KIF1A: variants seen among roughly 807,000 people sequenced by gnomAD.
The protein encoded by KIF1A is kinesin family member 1A.
KIF1A carries 46 observed loss-of-function variants against 227.3 expected under a neutral mutation model. The ratio of observed to expected loss-of-function variants is 0.20; its 90% CI spans 0.16 to 0.26. The LOEUF (loss-of-function observed/expected upper bound fraction) is 0.26. KIF1A is among the 10% of genes least tolerant of loss of function. KIF1A has a pLI of 1.00. For synonymous variants in KIF1A, 1,022 were observed against 1,012.8 expected, an observed-to-expected ratio of 1.01 and a Z score of -0.17; for missense variants, 1,683 against 2,485.9, an observed-to-expected ratio of 0.68 and a Z score of 6.87.
rs1222891594 is a variant in KIF1A at position 240,757,296 on chromosome 2, A to T, written c.2858+23T>A. 3 of 1,547,436 alleles carry T rather than the reference A, an allele frequency of 1.9e-6. No individual in the cohort carries two copies. Among genetic ancestry groups the T allele is most frequent in the Admixed American group, 3.9e-5 (2 of 50,916 alleles). Reference sequence around the variant, plus strand: ...GCAAAAGAGCTGGGTCCTCCCCAGCATGCTCTCCTCGACCTCACCAACCTT... The same window carrying T: ...GCAAAAGAGCTGGGTCCTCCCCAGCTTGCTCTCCTCGACCTCACCAACCTT... On this transcript the variant is annotated intron_variant, in intron 27 of 48. Coordinates refer to ENST00000498729, the MANE Select transcript of KIF1A (RefSeq NM_001244008.2). The surrounding 1 kb of genome is among the most constrained non-coding windows in gnomAD (Gnocchi z 6.2).
Position 240,725,166 on chromosome 2 carries a change from G to T in KIF1A, c.4256+105C>A. The stretch of plus-strand genomic sequence containing the variant: ...AGGAGTGTGGCTGGGCCTCGCACAG[G>T]GTGAGCTGCCGGGTGGCCCAAGGAC... On this transcript the variant is annotated intron_variant, in intron 40 of 48. Coordinates refer to ENST00000498729, the MANE Select transcript of KIF1A (RefSeq NM_001244008.2). This position sits in a 1 kb window ranked among gnomAD's most constrained non-coding sequence, Gnocchi z 5.8. 1 of 1,258,408 alleles carries T rather than the reference G, an allele frequency of 7.9e-7. No homozygotes were observed. Among genetic ancestry groups the T allele is most frequent in the Non-Finnish European group, 1.1e-6 (1 of 902,120 alleles). The allele number at this position is 1,258,408 out of a possible 1,614,324, so 78.0% of individuals were successfully genotyped here. A position where few individuals can be genotyped will look rare whatever the true frequency, so the allele number is the denominator to read the frequency against.
In KIF1A at chr2:240,763,070, C is replaced by G; in HGVS notation, c.1971G>C (p.Gln657His). The G allele has an allele frequency of 6.4e-7, 1 of 1,570,338 alleles. No homozygotes were observed. Among genetic ancestry groups the G allele is most frequent in the Non-Finnish European group, 8.6e-7 (1 of 1,160,040 alleles). ...TGGCCTCCTCCCGCTCGCGGCGGTA[C>G]TGGTCCTCCAGTTCCTGGAGCCTGC... is the stretch of plus-strand genomic sequence containing the variant. Reference protein sequence around the residue: ...MEQRLQELEDQYRREREEATY... With the variant: ...MEQRLQELEDHYRREREEATY... Residue 657 changes from glutamine (Q) to histidine (H), a missense_variant, in exon 22 of 49, where the codon CAG becomes CAC. Gln to His is a conservative substitution (Grantham distance 24, BLOSUM62 0). This residue lies in a region of KIF1A where 217 missense variants were observed against 427.0 expected (regional missense o/e 0.51). Coordinates refer to ENST00000498729, the MANE Select transcript of KIF1A (RefSeq NM_001244008.2).
intron 20 of KIF1A, among the ~76,000 whole-genome samples, chr2:240,764,823 A>G (rs2050954670): frequency 6.6e-6 from 1 of 152,106 alleles, no homozygotes; most frequent in African/African-American, 2.4e-5. Context: ...GTGAAGACCT[A>G]AGAGCAAACT....
rs997173478 is a variant in KIF1A at position 240,715,132 on chromosome 2, A to G, written c.*2232T>C. On this transcript the variant is annotated 3_prime_UTR_variant, in exon 49 of 49. Transcript: ENST00000498729. ...GTGGGGCTCCCCCTCATCTCAGACC[A>G]GCGTGTCCTGCCCTGCCTCTCCTTC... 2.0e-5 allele frequency: 3 copies of G among 152,378 alleles called. No individual in the cohort carries two copies. The highest frequency in any genetic ancestry group is 7.2e-5 in the African/African-American group (3 of 41,420). The allele number at this position is 152,378 out of a possible 1,614,324, so 9.4% of individuals were successfully genotyped here.
chr2:240,719,033 G>A lies in KIF1A; in HGVS notation c.5187C>T (p.Tyr1729=). ...TGAGCATAGCCTGCTGGTCCTCACTGTACTCCACCTGGGCAGTGGCCAGGT... is the reference window on the plus strand; with the variant it reads ...TGAGCATAGCCTGCTGGTCCTCACTATACTCCACCTGGGCAGTGGCCAGGT... ...VLNLATAQVE[Y]SEDQQAMLKT... The change falls in exon 47 of 49, where the codon TAC becomes TAT. Residue 1729 remains tyrosine (Y), a synonymous_variant. Coordinates refer to ENST00000498729, the MANE Select transcript of KIF1A (RefSeq NM_001244008.2). 6.2e-7 allele frequency: 1 copy of A among 1,611,700 alleles called. No individual in the cohort carries two copies. Among genetic ancestry groups the A allele is most frequent in the Non-Finnish European group, 8.5e-7 (1 of 1,179,034 alleles).
chr2:240,818,107 C>T (rs755931395), intron 1 of KIF1A, among the ~76,000 whole-genome samples: 1 of 152,190 alleles, frequency 6.6e-6, no homozygotes, highest in African/African-American at 2.4e-5. Context: ...ACACAGCAGA[C>T]ATCTTGCAGG....
In KIF1A at chr2:240,793,928, T is replaced by C. The variant is rs2056063314; in HGVS notation, c.106+3719A>G. On this transcript the variant is annotated intron_variant, in intron 2 of 48. Coordinates refer to ENST00000498729, the MANE Select transcript of KIF1A (RefSeq NM_001244008.2). This position sits in a 1 kb window ranked among gnomAD's most constrained non-coding sequence, Gnocchi z 4.8. ...GGGCCCCGCACAGTCCCCGCCATCTTCCGAGGGGCCTGGCACACCAGCCAG... is the reference window on the plus strand; with the variant it reads ...GGGCCCCGCACAGTCCCCGCCATCTCCCGAGGGGCCTGGCACACCAGCCAG... Among the ~76,000 whole-genome samples the C allele has an allele frequency of 1.3e-5, 2 of 152,110 alleles. No individual in the cohort carries two copies. Among genetic ancestry groups the C allele is most frequent in the Admixed American group, 1.3e-4 (2 of 15,274 alleles).
At position 240,763,054 on chromosome 2, in the gene KIF1A, C is replaced by G. The variant is rs1431592894; in HGVS notation, c.1987G>C (p.Glu663Gln). The stretch of plus-strand genomic sequence containing the variant: ...TGCTCCAGCAGGTAGGTGGCCTCCT[C>G]CCGCTCGCGGCGGTACTGGTCCTCC... ...ELEDQYRREREEATYLLEQQR... is the reference protein window; with the variant it reads ...ELEDQYRRERQEATYLLEQQR... The change falls in exon 22 of 49, where the codon GAG becomes CAG. Residue 663 changes from glutamate (E) to glutamine (Q), a missense_variant. Physicochemically the swap from Glu to Gln is conservative, Grantham distance 29 (BLOSUM62 2). Coordinates refer to ENST00000498729, the MANE Select transcript of KIF1A (RefSeq NM_001244008.2). The G allele has an allele frequency of 6.5e-7, 1 of 1,542,512 alleles. No individual in the cohort carries two copies. The highest frequency in any genetic ancestry group is 8.7e-7 in the Non-Finnish European group (1 of 1,146,274).
At chr2:240,753,634 G>A (rs1202528634) in intron 27 of KIF1A, among the ~76,000 whole-genome samples, 4 of 152,182 alleles carry the variant, frequency 2.6e-5, no homozygotes, top group Non-Finnish European at 5.9e-5. Context: ...CGAGCACACA[G>A]GGCCTTTTGC....
Position 240,747,285 on chromosome 2 carries a change from C to T in KIF1A, c.3014G>A (p.Arg1005His), listed in dbSNP as rs775295770. The T allele has an allele frequency of 1.2e-6, 2 of 1,613,276 alleles. No homozygotes were observed. The highest frequency in any genetic ancestry group is 1.3e-5 in the African/African-American group (1 of 74,888). The change falls in exon 29 of 49, where the codon CGC becomes CAC. Residue 1005 changes from arginine to histidine, a missense_variant. This residue lies in a region of KIF1A where 759 missense variants were observed against 1,020.2 expected (regional missense o/e 0.74). Coordinates refer to ENST00000498729, the MANE Select transcript of KIF1A (RefSeq NM_001244008.2). ...EEAPDYGSGV[R>H]QSGTAKISFD... ...GGAGATTTTAGCAGTTCCCGACTGGCGGACGCCAGAGCCATAATCAGGGGC... is the reference window on the plus strand; with the variant it reads ...GGAGATTTTAGCAGTTCCCGACTGGTGGACGCCAGAGCCATAATCAGGGGC...
intron 4 of KIF1A, 40 bp from the exon 5 acceptor site, chr2:240,787,356 G>A (rs752899854): frequency 1.3e-6 from 2 of 1,556,214 alleles, no homozygotes; most frequent in Non-Finnish European, 1.8e-6. Flanking sequence ...GAGGGCTGGG[G>A]CTGCTCCCTG....
chr2:240,784,255 C>G (rs371631764), intron 7 of KIF1A, among the ~76,000 whole-genome samples: 1 of 152,176 alleles, frequency 6.6e-6, no homozygotes, highest in Non-Finnish European at 1.5e-5. Context: ...GAGGTGGGCA[C>G]CGGCCAGGCT....
Position 240,719,921 on chromosome 2 carries a change from G to C in KIF1A, c.4874C>G (p.Pro1625Arg). ...GRYGATDLRTPQPCSRPASPE... is the reference protein window; with the variant it reads ...GRYGATDLRTRQPCSRPASPE... The stretch of plus-strand genomic sequence containing the variant: ...GCTGGCTGGCCGGGAGCAGGGCTGC[G>C]GGGTCCTGGGAAGCAGAGGGAAGTG... The change falls in exon 46 of 49, where the codon CCG (proline) becomes CGG (arginine). Residue 1625 changes from proline (P) to arginine (R), a missense_variant. This residue lies in a region of KIF1A where 384 missense variants were observed against 410.1 expected (regional missense o/e 0.94). Coordinates refer to ENST00000498729, the MANE Select transcript of KIF1A (RefSeq NM_001244008.2). The C allele has an allele frequency of 6.2e-7, 1 of 1,608,090 alleles. No homozygotes were observed. The highest frequency in any genetic ancestry group is 8.5e-7 in the Non-Finnish European group (1 of 1,178,276).
At position 240,766,741 on chromosome 2, in the gene KIF1A, T is replaced by TCACA. The variant is rs71049519; in HGVS notation, c.1684+173_1684+174insTGTG. Among the ~76,000 whole-genome samples the TCACA allele has an allele frequency of 1.6e-3, 180 of 112,574 alleles. 1 individual carries two copies. Among genetic ancestry groups the TCACA allele is most frequent in the South Asian group, 1.5e-3 (5 of 3,328 alleles). 73.9% of individuals were successfully genotyped at this position (112,574 alleles called of 152,430 possible). A position where few individuals can be genotyped will look rare whatever the true frequency, so the allele number is the denominator to read the frequency against. On this transcript the variant is annotated intron_variant, in intron 19 of 48. Transcript: ENST00000498729. This position sits in a 1 kb window ranked among gnomAD's most constrained non-coding sequence, Gnocchi z 5.0. ...CTCCAAATCTCTCTCTCTCTCTCTC[T>TCACA]CTCTCTCTCACACACACACACACAC...
intron 38 of KIF1A, among the ~76,000 whole-genome samples, chr2:240,733,016 A>G (rs2046926746): frequency 2.0e-5 from 1 of 51,166 alleles, no homozygotes. Context: ...ATGAGGGGGA[A>G]TGAGGGAGGG....
intron 1 of KIF1A, among the ~76,000 whole-genome samples, chr2:240,803,576 G>A (rs1559542848): frequency 6.6e-6 from 1 of 152,210 alleles, no homozygotes; most frequent in Admixed American, 6.5e-5. Context: ...GGCATTTCAG[G>A]AGGGAGAGAT....
Position 240,778,991 on chromosome 2 carries a change from C to T in KIF1A, c.883-3065G>A, listed in dbSNP as rs1459215895. Among the ~76,000 whole-genome samples the T allele has an allele frequency of 2.6e-5, 4 of 152,204 alleles. No homozygotes were observed. The highest frequency in any genetic ancestry group is 2.9e-5 in the Non-Finnish European group (2 of 68,050). On this transcript the variant is annotated intron_variant, in intron 10 of 48. Coordinates refer to ENST00000498729, the MANE Select transcript of KIF1A (RefSeq NM_001244008.2). This position sits in a 1 kb window ranked among gnomAD's most constrained non-coding sequence, Gnocchi z 7.2. ...GGCTCCTCACGGGTCCCCAACAGCA[C>T]CTCCATGTTCCCACCCAGTTCCACA... is the stretch of plus-strand genomic sequence containing the variant.
At chr2:240,787,706 A>C (rs1443140832) in intron 4 of KIF1A, among the ~76,000 whole-genome samples, 1 of 151,898 alleles carries the variant, frequency 6.6e-6, no homozygotes, top group Non-Finnish European at 1.5e-5. Context: ...GTGTTTGGCC[A>C]CCCCTGTCCT....
Position 240,739,246 on chromosome 2 carries a change from C to T in KIF1A, c.3901+812G>A, listed in dbSNP as rs1459927845. Reference sequence around the variant, plus strand: ...AAGGCAGGGCTGGGCTGGCCTCATGCTAGTGACACACTTGAATGGATGACT... The same window carrying T: ...AAGGCAGGGCTGGGCTGGCCTCATGTTAGTGACACACTTGAATGGATGACT... On this transcript the variant is annotated intron_variant, in intron 37 of 48. Transcript: ENST00000498729. This position sits in a 1 kb window ranked among gnomAD's most constrained non-coding sequence, Gnocchi z 5.6. Among the ~76,000 whole-genome samples, 1 of 152,228 alleles carries T rather than the reference C, an allele frequency of 6.6e-6. No homozygotes were observed. The highest frequency in any genetic ancestry group is 1.5e-5 in the Non-Finnish European group (1 of 68,038).
Sources: allele counts gnomAD v4.1 joint callset (sites outside exome capture counted in the v4.1 genomes callset), GRCh38; gene constraint gnomAD v4.1.1; regional missense constraint gnomAD v4.1.1; non-coding constraint Gnocchi (gnomAD v3.1); transcripts MANE v1.5; gene names NCBI Gene and HGNC (gene_info 2026-07-23, HGNC 2026-07-21).